OR6N1: variants seen among roughly 807,000 people sequenced by gnomAD.
OR6N1 encodes olfactory receptor 6N1.
For missense variants in OR6N1, 394 were observed against 371.7 expected (o/e 1.06, Z -0.49); for synonymous variants, 170 against 150.7 (o/e 1.13, Z -0.94).
At chr1:158,800,472 C>T in the OR6N1 span, among the ~76,000 whole-genome samples, 1 of 152,058 alleles carries the variant, frequency 6.6e-6, no homozygotes, top group Admixed American at 6.5e-5. Context: ...GAATATAGTC[C>T]GTATCTGAGC....
chr1:158,839,004 A>C, the OR6N1 span, among the ~76,000 whole-genome samples: 5 of 151,968 alleles, frequency 3.3e-5, no homozygotes, highest in African/African-American at 1.2e-4. Flanking sequence ...GTCTCTACCT[A>C]TTTTCCTTTA....
chr1:158,821,370 C>T, the OR6N1 span, among the ~76,000 whole-genome samples: 7 of 152,266 alleles, frequency 4.6e-5, no homozygotes, highest in East Asian at 1.9e-4. Context: ...TGCTATCACA[C>T]ATTCAATACA....
the OR6N1 span, among the ~76,000 whole-genome samples, chr1:158,791,469 AT>A: frequency 0.049 from 6,259 of 127,312 alleles, 249 homozygotes; most frequent in African/African-American, 0.15. Context: ...TATGATTTTG[AT>A]TTTTTTTTTT....
At chr1:158,789,319 A>T in the OR6N1 span, among the ~76,000 whole-genome samples, 7 of 152,172 alleles carry the variant, frequency 4.6e-5, no homozygotes, top group African/African-American at 1.7e-4. Context: ...GAGTGCTGAT[A>T]TCTCTTCAAT....
chr1:158,809,279 G>C, the OR6N1 span: 1 of 152,696 alleles, frequency 6.5e-6, no homozygotes, highest in South Asian at 2.1e-4. Flanking sequence ...GGGTCCCAGT[G>C]GTGGTGAAAC....
chr1:158,808,787 A>G, the OR6N1 span: 1 of 152,582 alleles, frequency 6.6e-6, no homozygotes, highest in South Asian at 2.1e-4. Flanking sequence ...TGCCAACCGC[A>G]TTAGTGGTGC....
At chr1:158,812,314 A>G in the OR6N1 span, among the ~76,000 whole-genome samples, 2 of 152,244 alleles carry the variant, frequency 1.3e-5, no homozygotes, top group Non-Finnish European at 2.9e-5. Flanking sequence ...TTAACATTGT[A>G]TATAATGAGG....
At chr1:158,784,371 A>G in the OR6N1 span, among the ~76,000 whole-genome samples, 1 of 152,236 alleles carries the variant, frequency 6.6e-6, no homozygotes, top group Non-Finnish European at 1.5e-5. Context: ...TAATCAAATC[A>G]GGGTATTTAG....
chr1:158,778,906 C>A, the OR6N1 span, among the ~76,000 whole-genome samples: 1 of 151,098 alleles, frequency 6.6e-6, no homozygotes, highest in Admixed American at 6.6e-5. Context: ...CAGTTCCCAG[C>A]TACTCCGGAG....
chr1:158,831,444 T>C, the OR6N1 span: 1 of 152,228 alleles, frequency 6.6e-6, no homozygotes, highest in Admixed American at 6.5e-5. Flanking sequence ...CTTTACAAGA[T>C]TAAAATAGTC....
At chr1:158,819,287 C>T in the OR6N1 span, among the ~76,000 whole-genome samples, 1 of 152,122 alleles carries the variant, frequency 6.6e-6, no homozygotes, top group Non-Finnish European at 1.5e-5. Context: ...GTCCCTTCCC[C>T]AGGCCTGATT....
chr1:158,787,916 C>T, the OR6N1 span, among the ~76,000 whole-genome samples: 3 of 152,112 alleles, frequency 2.0e-5, no homozygotes, highest in African/African-American at 7.2e-5. Context: ...ACCAGGCATC[C>T]TGGAACTCAG....
chr1:158,805,512 C>T, the OR6N1 span, among the ~76,000 whole-genome samples: 1 of 152,158 alleles, frequency 6.6e-6, no homozygotes, highest in African/African-American at 2.4e-5. Flanking sequence ...CTTCAATTCC[C>T]TTAGGTCCTA....
chr1:158,823,994 T>A, the OR6N1 span, among the ~76,000 whole-genome samples: 1 of 152,234 alleles, frequency 6.6e-6, no homozygotes, highest in East Asian at 1.9e-4. Flanking sequence ...AGCAAGTTGC[T>A]TAACTTCCAT....
At chr1:158,828,005 T>A in the OR6N1 span, among the ~76,000 whole-genome samples, 1 of 152,180 alleles carries the variant, frequency 6.6e-6, no homozygotes, top group Non-Finnish European at 1.5e-5. Flanking sequence ...CTCCCATTTT[T>A]TAAAAACCGT....
At chr1:158,814,976 C>T in the OR6N1 span, among the ~76,000 whole-genome samples, 9 of 152,028 alleles carry the variant, frequency 5.9e-5, no homozygotes, top group Non-Finnish European at 1.3e-4. Flanking sequence ...GGATGAGGGG[C>T]AAAGAGATCA....
the OR6N1 span, among the ~76,000 whole-genome samples, chr1:158,838,993 T>C: frequency 1.3e-5 from 2 of 152,222 alleles, no homozygotes; most frequent in African/African-American, 4.8e-5. Flanking sequence ...TTTATTTAGT[T>C]GTCTCTACCT....
chr1:158,838,149 T>C, the OR6N1 span, among the ~76,000 whole-genome samples: 1 of 152,036 alleles, frequency 6.6e-6, no homozygotes, highest in African/African-American at 2.4e-5. Flanking sequence ...TCATGTTTCA[T>C]GTTTATGTAT....
At chr1:158,833,031 G>T in the OR6N1 span, among the ~76,000 whole-genome samples, 3 of 151,968 alleles carry the variant, frequency 2.0e-5, no homozygotes, top group Non-Finnish European at 2.9e-5. Flanking sequence ...TTAAAGACAA[G>T]CCCCTTAGCA....
Sources: allele counts gnomAD v4.1 joint callset (sites outside exome capture counted in the v4.1 genomes callset), GRCh38; gene constraint gnomAD v4.1.1; transcripts MANE v1.5; gene names NCBI Gene and HGNC (gene_info 2026-07-23, HGNC 2026-07-21).